The following OSMR variants were observed in gnomAD, a reference collection of about 807,000 sequenced individuals.
OSMR encodes oncostatin M receptor, also known as oncostatin-M-specific receptor subunit beta.
OSMR carries 81 observed loss-of-function variants against 99.9 expected under a neutral mutation model. The ratio of observed to expected loss-of-function variants is 0.81; its 90% CI spans 0.68 to 0.97. The LOEUF (loss-of-function observed/expected upper bound fraction) is 0.97, where lower values mean the gene tolerates loss of function less well. Ranked by LOEUF, OSMR falls within the 50% of genes least tolerant of loss-of-function variation. The pLI is 0.00. For synonymous variants in OSMR, 406 were observed against 410.4 expected (o/e 0.99, Z 0.13); for missense variants, 1,099 against 1,153.4 (o/e 0.95, Z 0.68).
intron 3 of OSMR, among the ~76,000 whole-genome samples, chr5:38,877,531 C>T (rs1360604449): frequency 2.0e-5 from 3 of 152,182 alleles, no homozygotes; most frequent in African/African-American, 7.2e-5. Flanking sequence ...CTGCTATCAA[C>T]ACATCTTTCC....
rs555997517 is a variant in OSMR at position 38,904,133 on chromosome 5, G to A, written c.1134+109G>A. 8.1e-4 allele frequency: 1,259 copies of A among 1,549,476 alleles called. 1 individual carries two copies. Among genetic ancestry groups the A allele is most frequent in the Non-Finnish European group, 1.0e-3 (1,168 of 1,148,038 alleles). ...CTCTTATTTCTGTGTAGGTTCAAATGGTGTGGGTCATCTGTTTTAAAAGGT... is the reference window on the plus strand; with the variant it reads ...CTCTTATTTCTGTGTAGGTTCAAATAGTGTGGGTCATCTGTTTTAAAAGGT... On this transcript the variant is annotated intron_variant, in intron 8 of 17. Coordinates refer to ENST00000274276, the MANE Select transcript of OSMR (RefSeq NM_003999.3).
chr5:38,912,882 A>G (rs1452925806), intron 9 of OSMR, among the ~76,000 whole-genome samples: 1 of 152,160 alleles, frequency 6.6e-6, no homozygotes, highest in Non-Finnish European at 1.5e-5. Flanking sequence ...TGTGTGGAAG[A>G]ATGAAGCTAG....
In OSMR at chr5:38,903,882, T is replaced by C. The variant is rs1200885640; in HGVS notation, c.992T>C (p.Val331Ala). The change falls in exon 8 of 18, where the codon GTT becomes GCT. Residue 331 changes from valine to alanine, a missense_variant and splice_region_variant. Val to Ala is a moderately conservative substitution (Grantham distance 64). Transcript: ENST00000274276. ...TGTTTCTTTTTCTTTTTTTTGACAG[T>C]TTATTTAATGAATCCTTTTAGTGTC... ...VNILFNLTHR[V>A]YLMNPFSVNF... 6.2e-7 allele frequency: 1 copy of C among 1,611,170 alleles called. No homozygotes were observed. The highest frequency in any genetic ancestry group is 2.2e-5 in the East Asian group (1 of 44,834).
At chr5:38,881,845 C>T (rs1468542462) in intron 4 of OSMR, 81 bp downstream of exon 4, 2 of 1,243,636 alleles carry the variant, frequency 1.6e-6, no homozygotes, top group East Asian at 2.3e-5. Flanking sequence ...GTGGAAATCT[C>T]CTTTGAGGAA....
At chr5:38,881,894 A>C (rs1743318705) in intron 4 of OSMR, 130 bp downstream of exon 4, 1 of 788,728 alleles carries the variant, frequency 1.3e-6, no homozygotes, top group Admixed American at 2.4e-5. Context: ...TTTGGCTCCT[A>C]TGGGAACTAA....
downstream of OSMR, chr5:38,940,242 G>A (rs1358344570): frequency 4.3e-6 from 1 of 231,160 alleles, no homozygotes; most frequent in Admixed American, 5.7e-5. Context: ...GGTGGGGGAG[G>A]GGGTGTGTGT....
chr5:38,896,238 T>C (rs1280768785), intron 7 of OSMR, among the ~76,000 whole-genome samples: 2 of 152,056 alleles, frequency 1.3e-5, no homozygotes, highest in Non-Finnish European at 2.9e-5. Flanking sequence ...TTGCTTTGAG[T>C]AGAATGGACA....
intron 14 of OSMR, 69 bp downstream of exon 14, chr5:38,924,664 T>C (rs1242741515): frequency 1.3e-5 from 17 of 1,302,844 alleles, no homozygotes; most frequent in Non-Finnish European, 1.9e-5. Flanking sequence ...TTTAAAATAA[T>C]GGCTGCCATC....
At chr5:38,862,401 C>A (rs1245157598) in intron 1 of OSMR, among the ~76,000 whole-genome samples, 1 of 5,880 alleles carries the variant, frequency 1.7e-4, no homozygotes, top group Non-Finnish European at 3.3e-4. Flanking sequence ...CCGGATGGGG[C>A]GGCTGGCCGG....
At chr5:38,943,909 T>A (rs61236223) in intron 1 of OSMR, among the ~76,000 whole-genome samples, 1 of 152,042 alleles carries the variant, frequency 6.6e-6, no homozygotes, top group South Asian at 2.1e-4. Flanking sequence ...AAGAAAAAAA[T>A]TAAACCAAGA....
chr5:38,943,175 AT>A (rs1747789501), intron 1 of OSMR: 1 of 447,438 alleles, frequency 2.2e-6, no homozygotes. Context: ...TTTAAAAAAA[AT>A]GATTATCAAA....
In OSMR at chr5:38,924,597, T is replaced by C. The variant is rs775452023; in HGVS notation, c.2044+2T>C. On this transcript the variant is annotated splice_donor_variant, in intron 14 of 17. Coordinates refer to ENST00000274276, the MANE Select transcript of OSMR (RefSeq NM_003999.3). LOFTEE classifies it high-confidence loss of function. Reference sequence around the variant, plus strand: ...GATTTGAAAAGGCAGTTCTTTCAGGTGACATCTATTTTTAATTTGTTTATT... The same window carrying C: ...GATTTGAAAAGGCAGTTCTTTCAGGCGACATCTATTTTTAATTTGTTTATT... 7 of 1,599,774 alleles carry C rather than the reference T, an allele frequency of 4.4e-6. 1 individual carries two copies. Among genetic ancestry groups the C allele is most frequent in the Non-Finnish European group, 4.3e-6 (5 of 1,167,010 alleles).
chr5:38,931,790 T>C (rs753913626), intron 15 of OSMR, 93 bp from the exon 16 acceptor site: 1 of 1,564,790 alleles, frequency 6.4e-7, no homozygotes, highest in Non-Finnish European at 8.7e-7. Context: ...ATAATAAACA[T>C]GTAAAATTAC....
chr5:38,916,488 T>C (rs1401596299), intron 9 of OSMR, among the ~76,000 whole-genome samples: 1 of 152,164 alleles, frequency 6.6e-6, no homozygotes, highest in African/African-American at 2.4e-5. Flanking sequence ...ACCTGCCCCA[T>C]AGAATTGTTA....
intron 2 of OSMR, among the ~76,000 whole-genome samples, chr5:38,872,345 G>T (rs951329007): frequency 1.3e-5 from 2 of 152,174 alleles, no homozygotes; most frequent in African/African-American, 2.4e-5. Flanking sequence ...TAGACTGATA[G>T]TTGACTCATG....
Position 38,925,304 on chromosome 5 carries a change from T to G in OSMR, c.2145T>G (p.Thr715=), listed in dbSNP as rs576937609. 2 of 1,614,094 alleles carry G rather than the reference T, an allele frequency of 1.2e-6. No homozygotes were observed. Among genetic ancestry groups the G allele is most frequent in the South Asian group, 1.1e-5 (1 of 91,074 alleles). ...AATCCTTCTATGAGTTTTTCATCAC[T>G]CCATTCACTAGTGCTGGTGAAGGCC... The part of the protein sequence containing the change: ...KPESFYEFFI[T]PFTSAGEGPS... The change falls in exon 15 of 18, where the codon ACT becomes ACG. Residue 715 remains threonine (T), a synonymous_variant. Coordinates refer to ENST00000274276, the MANE Select transcript of OSMR (RefSeq NM_003999.3).
intron 9 of OSMR, among the ~76,000 whole-genome samples, chr5:38,914,277 C>G (rs527317051): frequency 6.6e-6 from 1 of 152,278 alleles, no homozygotes; most frequent in Admixed American, 6.5e-5. Context: ...TGTCTGCTCA[C>G]AGGGTATTCT....
At chr5:38,894,752 A>G (rs964323912) in intron 7 of OSMR, among the ~76,000 whole-genome samples, 3 of 151,988 alleles carry the variant, frequency 2.0e-5, no homozygotes, top group Non-Finnish European at 4.4e-5. Flanking sequence ...CACAACCACA[A>G]AAAAATAGTT....
intron 1 of OSMR, chr5:38,942,710 C>A: frequency 5.3e-6 from 4 of 755,158 alleles, no homozygotes; most frequent in African/African-American, 1.7e-5. Flanking sequence ...CCCGCGCTGA[C>A]CCCACAAAGT....
Sources: allele counts gnomAD v4.1 joint callset (sites outside exome capture counted in the v4.1 genomes callset), GRCh38; gene constraint gnomAD v4.1.1; transcripts MANE v1.5; gene names NCBI Gene and HGNC (gene_info 2026-07-23, HGNC 2026-07-21).